Variants in TASP1 observed in about 807,000 individuals in gnomAD.
TASP1 encodes threonine aspartase 1.
TASP1 carries 16 observed loss-of-function variants against 56.6 expected under a neutral mutation model. The ratio of observed to expected loss-of-function variants is 0.28; its 90% CI spans 0.19 to 0.43. The LOEUF (loss-of-function observed/expected upper bound fraction) is 0.43, where lower values mean the gene tolerates loss of function less well. Ranked by LOEUF, TASP1 falls within the 20% of genes least tolerant of loss-of-function variation. The pLI, the probability that TASP1 is intolerant of heterozygous loss-of-function variation, is 1.00. For synonymous variants in TASP1, 179 were observed against 184.2 expected (o/e 0.97, Z 0.23); for missense variants, 393 against 511.6 (o/e 0.77, Z 2.24).
At chr20:13,466,169 T>C (rs1279090658) in intron 11 of TASP1, among the ~76,000 whole-genome samples, 1 of 152,106 alleles carries the variant, frequency 6.6e-6, no homozygotes, top group Non-Finnish European at 1.5e-5. Context: ...CATGTGAATC[T>C]ACAGTTAAGT....
At chr20:13,369,586 T>C in the TASP1 span, among the ~76,000 whole-genome samples, 1 of 152,232 alleles carries the variant, frequency 6.6e-6, no homozygotes, top group Non-Finnish European at 1.5e-5. Flanking sequence ...TGGCAATAAA[T>C]GTAGTAGTCA....
chr20:13,471,754 T>A (rs1345925543), intron 11 of TASP1, among the ~76,000 whole-genome samples: 1 of 152,154 alleles, frequency 6.6e-6, no homozygotes, highest in African/African-American at 2.4e-5. Flanking sequence ...CCCAGCGTGA[T>A]CTATGCAAAG....
intron 4 of TASP1, among the ~76,000 whole-genome samples, chr20:13,591,793 A>G (rs1215864722): frequency 1.3e-5 from 2 of 152,176 alleles, no homozygotes; most frequent in Non-Finnish European, 2.9e-5. Context: ...ATAGGGCACA[A>G]GTAGCACAAA....
At chr20:13,280,085 A>T in the TASP1 span, among the ~76,000 whole-genome samples, 1 of 152,328 alleles carries the variant, frequency 6.6e-6, no homozygotes, top group Middle Eastern at 3.4e-3. Context: ...TTCTGGAAAG[A>T]CTATAATTTT....
rs149374777 is a variant in TASP1, at chr20:13,577,877, G to T, written c.488+3020C>A. Among the ~76,000 whole-genome samples the T allele has an allele frequency of 9.0e-3, 1,367 of 152,224 alleles. 32 individuals carry two copies. The highest frequency in any genetic ancestry group is 0.031 in the African/African-American group (1,283 of 41,516). On this transcript the variant is annotated intron_variant, in intron 6 of 13. Transcript: ENST00000337743. The stretch of plus-strand genomic sequence containing the variant: ...CTCTCCTTTTTTCTAATGCCACAGG[G>T]TATCTAATAATATAACTAGAAAACA...
At chr20:13,471,712 T>C (rs1296563836) in intron 11 of TASP1, among the ~76,000 whole-genome samples, 1 of 152,178 alleles carries the variant, frequency 6.6e-6, no homozygotes, top group Non-Finnish European at 1.5e-5. Flanking sequence ...CGTTCCAAGA[T>C]GGCCAAACAG....
At chr20:13,495,050 A>G (rs908332400) in intron 10 of TASP1, among the ~76,000 whole-genome samples, 6 of 152,112 alleles carry the variant, frequency 3.9e-5, no homozygotes, top group Admixed American at 6.6e-5. Flanking sequence ...TATATGTGGT[A>G]TAAAGTCCAC....
At chr20:13,488,800 T>TC (rs2043418187) in intron 10 of TASP1, among the ~76,000 whole-genome samples, 1 of 151,992 alleles carries the variant, frequency 6.6e-6, no homozygotes, top group African/African-American at 2.4e-5. Context: ...ACTCCAACAT[T>TC]CCCTCCATCT....
intron 10 of TASP1, among the ~76,000 whole-genome samples, chr20:13,527,775 A>G (rs957425107): frequency 6.8e-6 from 1 of 147,656 alleles, no homozygotes; most frequent in Admixed American, 6.7e-5. Flanking sequence ...GTTTTATGTC[A>G]ACATTTTACT....
intron 8 of TASP1, among the ~76,000 whole-genome samples, chr20:13,540,757 C>A (rs1344041129): frequency 6.6e-6 from 1 of 152,012 alleles, no homozygotes; most frequent in East Asian, 1.9e-4. Flanking sequence ...TTTCTGGAGT[C>A]ATGGAAATAT....
intron 5 of TASP1, among the ~76,000 whole-genome samples, chr20:13,583,689 G>T (rs1255133223): frequency 6.6e-6 from 1 of 152,080 alleles, no homozygotes; most frequent in Non-Finnish European, 1.5e-5. Context: ...CCTCAAAATG[G>T]TATTACATAG....
At chr20:13,447,431 T>A (rs2043451882) in intron 11 of TASP1, among the ~76,000 whole-genome samples, 1 of 152,130 alleles carries the variant, frequency 6.6e-6, no homozygotes, top group Admixed American at 6.6e-5. Flanking sequence ...CCCAATTTTG[T>A]TTGGGGCAGA....
chr20:13,485,494 A>C (rs528305438), intron 10 of TASP1, among the ~76,000 whole-genome samples: 2 of 152,316 alleles, frequency 1.3e-5, no homozygotes, highest in South Asian at 4.1e-4. Flanking sequence ...AAATTGCCAG[A>C]TATTTCCCAG....
chr20:13,575,745 C>T (rs1023165860), intron 6 of TASP1, among the ~76,000 whole-genome samples: 6 of 152,144 alleles, frequency 3.9e-5, no homozygotes, highest in Non-Finnish European at 7.4e-5. Flanking sequence ...AGACCAAATG[C>T]TTCTTCCTTA....
the TASP1 span, among the ~76,000 whole-genome samples, chr20:13,274,691 C>A: frequency 6.6e-6 from 1 of 151,176 alleles, no homozygotes; most frequent in Non-Finnish European, 1.5e-5. Context: ...GCCCGGCCCC[C>A]GGGCCTCTTG....
the TASP1 span, among the ~76,000 whole-genome samples, chr20:13,197,987 A>C: frequency 6.6e-6 from 1 of 152,200 alleles, no homozygotes; most frequent in Non-Finnish European, 1.5e-5. Context: ...CCTAAGACAG[A>C]AATTACTTGT....
chr20:13,314,455 TAA>T, the TASP1 span, among the ~76,000 whole-genome samples: 2 of 150,948 alleles, frequency 1.3e-5, no homozygotes, highest in Non-Finnish European at 3.0e-5. Flanking sequence ...ACATAAGCAA[TAA>T]AAGAGTGGAG....
At chr20:13,105,217 G>A in the TASP1 span, among the ~76,000 whole-genome samples, 1 of 151,996 alleles carries the variant, frequency 6.6e-6, no homozygotes, top group Non-Finnish European at 1.5e-5. Context: ...CCCTTTTCCT[G>A]TGTAGCTTCT....
chr20:13,596,386 A>T (rs950964255), intron 4 of TASP1, among the ~76,000 whole-genome samples: 2 of 151,890 alleles, frequency 1.3e-5, no homozygotes, highest in African/African-American at 4.8e-5. Context: ...AAAAAAAAAA[A>T]ATGCACAATT....
Sources: allele counts gnomAD v4.1 joint callset (sites outside exome capture counted in the v4.1 genomes callset), GRCh38; gene constraint gnomAD v4.1.1; transcripts MANE v1.5; gene names NCBI Gene and HGNC (gene_info 2026-07-23, HGNC 2026-07-21).